The following FGF14 variants were observed in gnomAD, a reference collection of about 807,000 sequenced individuals.
FGF14 encodes fibroblast growth factor homologous factor 4.
A neutral mutation model predicts 25.5 loss-of-function variants in FGF14; 5 were observed. The ratio of observed to expected loss-of-function variants is 0.20; its 90% CI spans 0.10 to 0.41. FGF14 has a LOEUF of 0.41. FGF14 is among the 10% of genes least tolerant of loss of function. The pLI is 1.00. For synonymous variants in FGF14, 138 were observed against 118.3 expected, an observed-to-expected ratio of 1.17 and a Z score of -1.08; for missense variants, 222 against 320.1, an observed-to-expected ratio of 0.69 and a Z score of 2.34.
At chr13:102,179,324 C>T (rs1259079177) in intron 1 of FGF14, among the ~76,000 whole-genome samples, 1 of 152,038 alleles carries the variant, frequency 6.6e-6, no homozygotes, top group Non-Finnish European at 1.5e-5. Flanking sequence ...CAGACCTGAA[C>T]CCCTCTTCAG....
intron 1 of FGF14, among the ~76,000 whole-genome samples, chr13:102,307,440 G>C (rs367951879): frequency 6.6e-6 from 1 of 152,048 alleles, no homozygotes. Context: ...AATAAATTCT[G>C]TTTGTCACTT....
rs575350648 is a variant in FGF14 at position 102,258,625 on chromosome 13, G to A, written c.208+142846C>T. On this transcript the variant is annotated intron_variant, in intron 1 of 4. Transcript: ENST00000376131. The stretch of plus-strand genomic sequence containing the variant: ...ATATGGCAGCAGATGGCAGCAGATG[G>A]GTCGCTCCACCATCCCTGAGCCCAA... 8.5e-5 allele frequency among the ~76,000 whole-genome samples: 13 copies of A among 152,242 alleles called. No individual in the cohort carries two copies. In the East Asian group the frequency reaches 2.5e-3, roughly 29 times the overall value.
intron 1 of FGF14, among the ~76,000 whole-genome samples, chr13:102,083,831 T>C (rs1330210299): frequency 6.6e-6 from 1 of 152,220 alleles, no homozygotes; most frequent in Non-Finnish European, 1.5e-5. Context: ...TTTAAATATT[T>C]TGGCAGAATT....
At chr13:101,899,234 A>G (rs2031189267) in intron 1 of FGF14, among the ~76,000 whole-genome samples, 1 of 152,160 alleles carries the variant, frequency 6.6e-6, no homozygotes, top group South Asian at 2.1e-4. Context: ...AAGACGATAA[A>G]ATCATAGCTT....
At chr13:101,849,717 A>G (rs2043649687) in intron 3 of FGF14, among the ~76,000 whole-genome samples, 1 of 152,110 alleles carries the variant, frequency 6.6e-6, no homozygotes, top group South Asian at 2.1e-4. Context: ...TATTTTGGCC[A>G]AGCTTTCCTT....
chr13:102,328,107 C>G (rs1282864574), intron 1 of FGF14, among the ~76,000 whole-genome samples: 1 of 152,054 alleles, frequency 6.6e-6, no homozygotes, highest in Non-Finnish European at 1.5e-5. Context: ...CACGAATGGT[C>G]TTCTCCATTC....
chr13:102,091,416 C>T (rs180899728), intron 1 of FGF14, among the ~76,000 whole-genome samples: 4 of 152,108 alleles, frequency 2.6e-5, no homozygotes, highest in Admixed American at 1.3e-4. Context: ...AGCTCCTTGG[C>T]TGCTTGTGGA....
At chr13:102,026,631 T>C (rs992536307) in intron 1 of FGF14, among the ~76,000 whole-genome samples, 3 of 152,026 alleles carry the variant, frequency 2.0e-5, no homozygotes, top group Non-Finnish European at 2.9e-5. Flanking sequence ...AGTTTTATAG[T>C]TCTTAACACA....
At chr13:102,021,903 C>T (rs959972946) in intron 1 of FGF14, among the ~76,000 whole-genome samples, 1 of 152,014 alleles carries the variant, frequency 6.6e-6, no homozygotes, top group Non-Finnish European at 1.5e-5. Flanking sequence ...TACCTACAAC[C>T]CCAAACCCCA....
At chr13:102,255,497 T>C (rs1481689850) in intron 1 of FGF14, among the ~76,000 whole-genome samples, 1 of 152,232 alleles carries the variant, frequency 6.6e-6, no homozygotes, top group African/African-American at 2.4e-5. Context: ...GATTTATAAA[T>C]CAGGAAAGAA....
rs138532977 is a variant in FGF14, at chr13:102,338,563, G to A, written c.208+62908C>T. Among the ~76,000 whole-genome samples the A allele has an allele frequency of 5.7e-3, 868 of 152,202 alleles. 11 individuals are homozygous for A. Among genetic ancestry groups the A allele is most frequent in the African/African-American group, 0.02 (831 of 41,520 alleles). ...TAAGTAGAAAAACAAAGATTACCAC[G>A]TTTGAGAAAGCCTCCAATTTAAAAT... is the stretch of plus-strand genomic sequence containing the variant. On this transcript the variant is annotated intron_variant, in intron 1 of 4. Transcript: ENST00000376131.
At chr13:101,745,669 T>A (rs2036838441) in intron 3 of FGF14, among the ~76,000 whole-genome samples, 1 of 152,104 alleles carries the variant, frequency 6.6e-6, no homozygotes. Context: ...GCTCCCTTCA[T>A]CTCTTTTCAT....
chr13:102,009,119 C>T (rs530377885), intron 1 of FGF14, among the ~76,000 whole-genome samples: 1 of 152,218 alleles, frequency 6.6e-6, no homozygotes, highest in South Asian at 2.1e-4. Flanking sequence ...GTATATTTTA[C>T]ATGTTTAACA....
intron 1 of FGF14, among the ~76,000 whole-genome samples, chr13:101,956,045 GA>G (rs1371078155): frequency 6.6e-6 from 1 of 152,146 alleles, no homozygotes; most frequent in Non-Finnish European, 1.5e-5. Flanking sequence ...ATATAAGGAA[GA>G]AACAAAGTGG....
chr13:102,295,365 G>A (rs1027516597), intron 1 of FGF14, among the ~76,000 whole-genome samples: 5 of 152,096 alleles, frequency 3.3e-5, no homozygotes, highest in South Asian at 2.1e-4. Flanking sequence ...CTAATGGTTC[G>A]TGGTGTAGGC....
intron 3 of FGF14, among the ~76,000 whole-genome samples, chr13:101,867,104 A>G (rs963300177): frequency 2.6e-5 from 4 of 152,182 alleles, no homozygotes; most frequent in African/African-American, 9.6e-5. Flanking sequence ...TATTGCACGC[A>G]GTGACCCTCA....
intron 1 of FGF14, among the ~76,000 whole-genome samples, chr13:101,994,673 T>G (rs971437283): frequency 1.3e-5 from 2 of 152,026 alleles, no homozygotes; most frequent in African/African-American, 2.4e-5. Flanking sequence ...AATTTGAGAT[T>G]TATAGGAACT....
chr13:101,865,750 C>T (rs976224142), intron 3 of FGF14, among the ~76,000 whole-genome samples: 5 of 152,068 alleles, frequency 3.3e-5, no homozygotes, highest in African/African-American at 1.2e-4. Flanking sequence ...TTGTGATATT[C>T]GTTTACCAGA....
At position 102,288,972 on chromosome 13, in the gene FGF14, G is replaced by A. The variant is rs558969378; in HGVS notation, c.208+112499C>T. Among the ~76,000 whole-genome samples, 3 of 148,684 alleles carry A rather than the reference G, an allele frequency of 2.0e-5. No homozygotes were observed. In the East Asian group the frequency reaches 5.9e-4, roughly 29 times the overall value. On this transcript the variant is annotated intron_variant, in intron 1 of 4. Transcript: ENST00000376131. ...TCAGGTTTCTTTTTTTTTTTCAATT[G>A]GAGTACCAATAAATGCCAAGGTTAG...
Sources: allele counts gnomAD v4.1 joint callset (sites outside exome capture counted in the v4.1 genomes callset), GRCh38; gene constraint gnomAD v4.1.1; transcripts MANE v1.5; gene names NCBI Gene and HGNC (gene_info 2026-07-23, HGNC 2026-07-21).